The following DHX57 variants were observed in gnomAD, a reference collection of about 807,000 sequenced individuals.
DHX57 encodes the protein putative ATP-dependent RNA helicase DHX57.
In DHX57, 105 loss-of-function variants were observed where a neutral mutation model predicts 156.2. The observed-to-expected ratio is 0.67, with a 90% CI of 0.57 to 0.79. The LOEUF (loss-of-function observed/expected upper bound fraction) is 0.79, where lower values mean the gene tolerates loss of function less well. Ranked by LOEUF, DHX57 falls within the 30% of genes least tolerant of loss-of-function variation. The probability of loss-of-function intolerance (pLI) is 0.00; values close to 1 mark genes in which losing one functional copy is unlikely to be tolerated. For missense variants in DHX57, 1,847 were observed against 1,661.9 expected (o/e 1.11, Z -1.94); for synonymous variants, 704 against 595.6 (o/e 1.18, Z -2.65).
At chr2:38,849,665 T>C (rs1354530490) in intron 9 of DHX57, among the ~76,000 whole-genome samples, 1 of 152,170 alleles carries the variant, frequency 6.6e-6, no homozygotes, top group Non-Finnish European at 1.5e-5. Flanking sequence ...ATGCTCCCCA[T>C]CTTTTTCTAG....
At chr2:38,838,865 C>G (rs1391185538) in intron 12 of DHX57, 1 of 442,112 alleles carries the variant, frequency 2.3e-6, no homozygotes, top group Non-Finnish European at 4.5e-6. Context: ...ATCTCCTAAT[C>G]TATCTGCGAT....
At chr2:38,834,346 A>AG (rs1558378905) in intron 13 of DHX57, among the ~76,000 whole-genome samples, 2 of 151,820 alleles carry the variant, frequency 1.3e-5, no homozygotes, top group African/African-American at 4.8e-5. Context: ...AAAAAAAAAA[A>AG]AAAAAGTGGT....
In DHX57 at chr2:38,836,758, A is replaced by G. The variant is rs1233918702; in HGVS notation, c.2542+1073T>C. 3.4e-5 allele frequency among the ~76,000 whole-genome samples: 5 copies of G among 146,274 alleles called. No homozygotes were observed. The South Asian group carries it at 8.9e-4, about 26-fold the overall frequency. On this transcript the variant is annotated intron_variant, in intron 13 of 23. Transcript: ENST00000457308. ...CACTGCACACTCCAGCCTGGGCAAG[A>G]GAGTGAGACCCTGTCTCAAAAAAAA...
chr2:38,860,948 T>C, intron 5 of DHX57, 51 bp downstream of exon 5: 1 of 1,525,798 alleles, frequency 6.6e-7, no homozygotes, highest in Non-Finnish European at 8.9e-7. Context: ...CTTTGACTTC[T>C]AAACCCATCA....
chr2:38,835,206 GA>G (rs923087529), intron 13 of DHX57, among the ~76,000 whole-genome samples: 2 of 151,814 alleles, frequency 1.3e-5, no homozygotes, highest in East Asian at 1.9e-4. Context: ...CCCTCTTCTG[GA>G]AAAAAAATGC....
At chr2:38,848,913 T>A (rs1181913851) in intron 9 of DHX57, among the ~76,000 whole-genome samples, 1 of 152,218 alleles carries the variant, frequency 6.6e-6, no homozygotes, top group African/African-American at 2.4e-5. Context: ...GGATTAGGGA[T>A]GCTCAACCTG....
At chr2:38,825,398 G>A (rs1012280884) in intron 16 of DHX57, among the ~76,000 whole-genome samples, 2 of 152,112 alleles carry the variant, frequency 1.3e-5, no homozygotes, top group African/African-American at 4.8e-5. Context: ...TGCCTCCTGG[G>A]TTCAAGAGAT....
chr2:38,841,594 G>T (rs1007329750), intron 12 of DHX57, among the ~76,000 whole-genome samples: 6 of 152,208 alleles, frequency 3.9e-5, no homozygotes, highest in Non-Finnish European at 8.8e-5. Flanking sequence ...AAATTCATTT[G>T]CCTTGTATCC....
At chr2:38,868,160 A>G (rs1244981288) in intron 2 of DHX57, 22 bp downstream of exon 2, 3 of 1,609,536 alleles carry the variant, frequency 1.9e-6, no homozygotes, top group Non-Finnish European at 2.5e-6. Flanking sequence ...CCATATTTAA[A>G]CATTCAAAGA....
chr2:38,854,153 C>T lies in DHX57; in HGVS notation c.1931G>A (p.Cys644Tyr). Residue 644 changes from cysteine to tyrosine, a missense_variant, in exon 9 of 24, where the codon TGC becomes TAC. Cys to Tyr is a radical substitution (Grantham distance 194, BLOSUM62 -2). Transcript: ENST00000457308. ...CCTTCTCAGCAGCACTCCCGTGGTG[C>T]AGTATAACAGTCTGGTGGCTGAGGA... ...VKSSATRLLYCTTGVLLRRLE... is the reference protein window; with the variant it reads ...VKSSATRLLYYTTGVLLRRLE... 6.2e-6 allele frequency: 10 copies of T among 1,613,802 alleles called. No individual in the cohort carries two copies. The highest frequency in any genetic ancestry group is 8.5e-6 in the Non-Finnish European group (10 of 1,179,838).
intron 13 of DHX57, among the ~76,000 whole-genome samples, chr2:38,832,748 G>C (rs1436036553): frequency 1.3e-5 from 2 of 151,852 alleles, no homozygotes; most frequent in Non-Finnish European, 2.9e-5. Flanking sequence ...ATGTTGGCTA[G>C]GCTGGTCTCG....
Position 38,854,075 on chromosome 2 carries a change from A to T in DHX57, c.2009T>A (p.Val670Asp). Residue 670 changes from valine to aspartate, a missense_variant, in exon 9 of 24, where the codon GTT becomes GAT. By Grantham distance (152) the Val-to-Asp change is radical. Transcript: ENST00000457308. ...TTACCTTTCTTCTGTCCTCTCATGA[A>T]CTTCATCAACAATGATATGGGAAAC... ...QGVSHIIVDE[V>D]HERTEESDFL... is the part of the protein sequence containing the mutation. 1.2e-6 allele frequency: 2 copies of T among 1,613,224 alleles called. No homozygotes were observed. Among genetic ancestry groups the T allele is most frequent in the Non-Finnish European group, 1.7e-6 (2 of 1,179,644 alleles).
intron 21 of DHX57, among the ~76,000 whole-genome samples, chr2:38,812,775 C>T (rs1371053298): frequency 2.6e-5 from 4 of 152,088 alleles, no homozygotes; most frequent in East Asian, 1.9e-4. Flanking sequence ...TCAGGCGATC[C>T]GCCCGCCTCG....
chr2:38,818,751 A>G, intron 19 of DHX57, 126 bp downstream of exon 19: 1 of 1,072,332 alleles, frequency 9.3e-7, no homozygotes, highest in Non-Finnish European at 1.4e-6. Context: ...CACGGCTGGT[A>G]AGGCCAAACA....
Position 38,858,854 on chromosome 2 carries a change from A to G in DHX57, c.1412-18T>C, listed in dbSNP as rs542539789. On this transcript the variant is annotated intron_variant, in intron 5 of 23. Coordinates refer to ENST00000457308, the MANE Select transcript of DHX57 (RefSeq NM_198963.3). ...TTTTTCAACTTGAAGGAAATAAAAG[A>G]AAACATTTCAGTATGGAGCCCTTTC... is the stretch of plus-strand genomic sequence containing the variant. 1.0e-3 allele frequency: 1,639 copies of G among 1,603,980 alleles called. 33 individuals are homozygous for G. The South Asian group carries it at 0.017, about 16-fold the overall frequency.
intron 9 of DHX57, among the ~76,000 whole-genome samples, chr2:38,851,002 G>C (rs997931434): frequency 6.6e-6 from 1 of 152,058 alleles, no homozygotes; most frequent in Non-Finnish European, 1.5e-5. Context: ...GCTTGAACCT[G>C]GGAGGTGGAG....
chr2:38,815,931 A>G (rs1670523930), intron 19 of DHX57: 3 of 455,858 alleles, frequency 6.6e-6, no homozygotes, highest in South Asian at 6.6e-5. Flanking sequence ...ACAATTTTAA[A>G]CACTCTCATT....
chr2:38,859,340 T>C (rs1044610927), intron 5 of DHX57, among the ~76,000 whole-genome samples: 1 of 152,210 alleles, frequency 6.6e-6, no homozygotes, highest in East Asian at 1.9e-4. Context: ...TCCATAGAGA[T>C]AGACAGCAGA....
chr2:38,804,024 C>T (rs899671812), intron 22 of DHX57, among the ~76,000 whole-genome samples: 5 of 151,906 alleles, frequency 3.3e-5, no homozygotes, highest in East Asian at 3.9e-4. Flanking sequence ...TCAAGTCATC[C>T]GCCCGCCTCG....
Sources: allele counts gnomAD v4.1 joint callset (sites outside exome capture counted in the v4.1 genomes callset), GRCh38; gene constraint gnomAD v4.1.1; transcripts MANE v1.5; gene names NCBI Gene and HGNC (gene_info 2026-07-23, HGNC 2026-07-21).